Variants in LRCH1 observed in about 807,000 individuals in gnomAD.
The protein encoded by LRCH1 is leucine rich repeats and calponin homology domain containing 1, also known as leucine-rich repeat and calponin homology domain-containing protein 1.
LRCH1 carries 23 observed loss-of-function variants against 94.9 expected under a neutral mutation model. The ratio of observed to expected loss-of-function variants is 0.24; its 90% CI spans 0.17 to 0.34. LRCH1 has a LOEUF of 0.34. Among genes scored for constraint, LRCH1 ranks in the 10% least tolerant of loss-of-function variants. LRCH1 has a pLI of 1.00. For synonymous variants in LRCH1, 364 were observed against 354.9 expected, an observed-to-expected ratio of 1.03 and a Z score of -0.29; for missense variants, 790 against 945.9, an observed-to-expected ratio of 0.84 and a Z score of 2.16.
chr13:46,670,654 T>TCC (rs10659453), intron 3 of LRCH1, among the ~76,000 whole-genome samples: 18,810 of 144,394 alleles, frequency 0.13, 1,404 homozygotes, highest in Middle Eastern at 0.16. Context: ...ACACTGCCCA[T>TCC]CCCCCCCCAA....
At position 46,688,057 on chromosome 13, in the gene LRCH1, CTGTT is replaced by C. The variant is rs1446569032; in HGVS notation, c.950+84_950+87del. 1.8e-5 allele frequency: 25 copies of C among 1,414,560 alleles called. No individual in the cohort carries two copies. The East Asian group carries it at 6.0e-4, about 34-fold the overall frequency. The allele number at this position is 1,414,560 out of a possible 1,614,324, so 87.6% of individuals were successfully genotyped here. A position where few individuals can be genotyped will look rare whatever the true frequency, so the allele number is the denominator to read the frequency against. ...CCCTCCAGGTAGCTGACTTCAAAATCTGTTTGTTTTAAGTCACCATGGTATCTGC... is the reference window on the plus strand; with the variant it reads ...CCCTCCAGGTAGCTGACTTCAAAATCTGTTTTAAGTCACCATGGTATCTGC... On this transcript the variant is annotated intron_variant, in intron 6 of 19. Coordinates refer to ENST00000389797, the MANE Select transcript of LRCH1 (RefSeq NM_001164211.2).
At chr13:46,603,937 G>A (rs562825188) in intron 1 of LRCH1, among the ~76,000 whole-genome samples, 15 of 152,316 alleles carry the variant, frequency 9.8e-5, no homozygotes, top group South Asian at 6.2e-4. Flanking sequence ...CATTATAGGC[G>A]TGAGCCACCA....
chr13:46,704,977 A>G, intron 11 of LRCH1, 91 bp from the exon 12 acceptor site: 4 of 665,174 alleles, frequency 6.0e-6, no homozygotes, highest in Non-Finnish European at 9.9e-6. Flanking sequence ...CTTTTTAGTA[A>G]ATTAAAAATT....
At chr13:46,699,165 G>A (rs894560650) in intron 9 of LRCH1, among the ~76,000 whole-genome samples, 171 bp from the exon 10 acceptor site, 1 of 152,228 alleles carries the variant, frequency 6.6e-6, no homozygotes, top group Non-Finnish European at 1.5e-5. Flanking sequence ...ATATTCTAGT[G>A]CATGTACATA....
Position 46,638,779 on chromosome 13 carries a change from C to G in LRCH1, c.308-11422C>G, listed in dbSNP as rs115851252. Among the ~76,000 whole-genome samples, 889 of 152,296 alleles carry G rather than the reference C, an allele frequency of 5.8e-3. 4 individuals are homozygous for G. The highest frequency in any genetic ancestry group is 0.02 in the African/African-American group (850 of 41,554). The stretch of plus-strand genomic sequence containing the variant: ...AAAATAAAAAAAGTTTGATATGCCA[C>G]TAAAAGGCTTTTTTAAATAGGAGAG... On this transcript the variant is annotated intron_variant, in intron 1 of 19. Transcript: ENST00000389797.
chr13:46,709,351 C>T (rs537470999), intron 13 of LRCH1, among the ~76,000 whole-genome samples: 41 of 152,330 alleles, frequency 2.7e-4, no homozygotes, highest in South Asian at 1.2e-3. Flanking sequence ...GTTCCATCAG[C>T]CAAGGCCATT....
chr13:46,602,978 GCATACATA>G (rs35011134), intron 1 of LRCH1, among the ~76,000 whole-genome samples: 2 of 149,818 alleles, frequency 1.3e-5, no homozygotes, highest in East Asian at 2.0e-4. Flanking sequence ...ATACATGCAT[GCATACATA>G]CATACATACA....
intron 1 of LRCH1, among the ~76,000 whole-genome samples, chr13:46,606,043 T>A (rs1243641168): frequency 6.6e-6 from 1 of 152,112 alleles, no homozygotes; most frequent in African/African-American, 2.4e-5. Flanking sequence ...TTTGCCTGAC[T>A]CCAAACACAG....
At chr13:46,603,176 G>A (rs886216626) in intron 1 of LRCH1, among the ~76,000 whole-genome samples, 2 of 151,886 alleles carry the variant, frequency 1.3e-5, no homozygotes, top group Admixed American at 1.3e-4. Flanking sequence ...GCAGAGACAC[G>A]GAGAGCCTCT....
chr13:46,720,394 G>A (rs1166717822), intron 16 of LRCH1, among the ~76,000 whole-genome samples: 1 of 151,806 alleles, frequency 6.6e-6, no homozygotes, highest in Admixed American at 6.6e-5. Context: ...CTCTCCACCC[G>A]CCCCCCAAAA....
intron 1 of LRCH1, 28 bp downstream of exon 1, chr13:46,553,731 G>A: frequency 6.2e-7 from 1 of 1,602,082 alleles, no homozygotes; most frequent in Non-Finnish European, 8.5e-7. Flanking sequence ...GGCGGGCAGG[G>A]GTGTGGGTGC....
chr13:46,584,583 T>C (rs1442540330), intron 1 of LRCH1, among the ~76,000 whole-genome samples: 3 of 152,240 alleles, frequency 2.0e-5, no homozygotes, highest in Non-Finnish European at 4.4e-5. Context: ...TCTTTTCCCA[T>C]GATGATGCAG....
chr13:46,726,159 G>A (rs993008304), intron 17 of LRCH1, among the ~76,000 whole-genome samples: 1 of 152,140 alleles, frequency 6.6e-6, no homozygotes, highest in Non-Finnish European at 1.5e-5. Context: ...TTTGAAAATC[G>A]ATTTCTCTAC....
At chr13:46,739,150 T>G (rs1415480605) in intron 19 of LRCH1, among the ~76,000 whole-genome samples, 1 of 152,240 alleles carries the variant, frequency 6.6e-6, no homozygotes, top group African/African-American at 2.4e-5. Context: ...GAATTTAGAC[T>G]GTAGTACACC....
At chr13:46,659,392 C>T (rs1483942063) in intron 2 of LRCH1, among the ~76,000 whole-genome samples, 1 of 151,952 alleles carries the variant, frequency 6.6e-6, no homozygotes, top group African/African-American at 2.4e-5. Flanking sequence ...AGGGTTTCAC[C>T]ATGTTGGCCA....
chr13:46,711,481 G>C (rs910366513), intron 13 of LRCH1, among the ~76,000 whole-genome samples: 1 of 152,174 alleles, frequency 6.6e-6, no homozygotes, highest in Non-Finnish European at 1.5e-5. Flanking sequence ...GGAACCAGCA[G>C]GCAGCTTGGT....
In LRCH1 at chr13:46,743,501, T is replaced by C. The variant is rs1873769475; in HGVS notation, c.*1653T>C. ...CTGAATTACTTTTGGTGCTATCTTG[T>C]ACTCTTCAATCTGTAACACAATAAA... On this transcript the variant is annotated 3_prime_UTR_variant, in exon 20 of 20. Transcript: ENST00000389797. The C allele has an allele frequency of 3.0e-6, 3 of 985,758 alleles. No individual in the cohort carries two copies. The South Asian group carries it at 1.4e-4, about 46-fold the overall frequency. The allele number at this position is 985,758 out of a possible 1,614,324, so 61.1% of individuals were successfully genotyped here.
intron 1 of LRCH1, among the ~76,000 whole-genome samples, chr13:46,593,521 C>T (rs1292927511): frequency 6.6e-6 from 1 of 152,184 alleles, no homozygotes; most frequent in Admixed American, 6.5e-5. Context: ...AGTGAAACGT[C>T]ACCACGATCT....
chr13:46,654,592 C>T (rs1407974783), intron 2 of LRCH1, among the ~76,000 whole-genome samples: 1 of 151,978 alleles, frequency 6.6e-6, no homozygotes. Context: ...CTTACATATC[C>T]AACATAGAAG....
Sources: allele counts gnomAD v4.1 joint callset (sites outside exome capture counted in the v4.1 genomes callset), GRCh38; gene constraint gnomAD v4.1.1; transcripts MANE v1.5; gene names NCBI Gene and HGNC (gene_info 2026-07-23, HGNC 2026-07-21).